Variants in TARS3 observed in about 807,000 individuals in gnomAD.
TARS3 encodes threonine--tRNA ligase 2, cytoplasmic.
TARS3 carries 94 observed loss-of-function variants against 103.5 expected under a neutral mutation model. The ratio of observed to expected loss-of-function variants is 0.91; its 90% CI spans 0.77 to 1.08. The LOEUF (loss-of-function observed/expected upper bound fraction) is 1.08. Among genes scored for constraint, TARS3 ranks in the 50% least tolerant of loss-of-function variants. The pLI is 0.00. For missense variants in TARS3, 952 were observed against 995.2 expected (o/e 0.96, Z 0.58); for synonymous variants, 416 against 355.4 (o/e 1.17, Z -1.92).
In TARS3 at chr15:101,721,153, G is replaced by A. The variant is rs143268680; in HGVS notation, c.539C>T (p.Thr180Met). 1.5e-5 allele frequency: 24 copies of A among 1,598,808 alleles called. No individual in the cohort carries two copies. Among genetic ancestry groups the A allele is most frequent in the Middle Eastern group, 1.7e-4 (1 of 6,044 alleles). ...QTVQGEVWKT[T>M]PYQVAAEISQ... is the part of the protein sequence containing the mutation. The stretch of plus-strand genomic sequence containing the variant: ...AATTTCAGCAGCCACTTGGTAAGGC[G>A]TTGTTTTCCAGACTTCCCCTTGCAC... The change falls in exon 3 of 19, where the codon ACG (threonine) becomes ATG (methionine). Residue 180 changes from threonine to methionine, a missense_variant. By Grantham distance (81) the Thr-to-Met change is moderately conservative (BLOSUM62 -1). Coordinates refer to ENST00000335968, the MANE Select transcript of TARS3 (RefSeq NM_152334.3).
At chr15:101,678,653 C>G (rs1898130514) in intron 12 of TARS3, among the ~76,000 whole-genome samples, 1 of 152,198 alleles carries the variant, frequency 6.6e-6, no homozygotes, top group Non-Finnish European at 1.5e-5. Flanking sequence ...CTTCTACATA[C>G]ATTTAGAACA....
intron 6 of TARS3, among the ~76,000 whole-genome samples, chr15:101,708,257 G>GAAA (rs60601502): frequency 6.2e-5 from 3 of 48,622 alleles, no homozygotes; most frequent in East Asian, 7.1e-4. Flanking sequence ...GACTCTGTCT[G>GAAA]AAAAAAAAAA....
At chr15:101,685,781 A>G in intron 11 of TARS3, 115 bp downstream of exon 11, 1 of 791,592 alleles carries the variant, frequency 1.3e-6, no homozygotes, top group Non-Finnish European at 1.9e-6. Flanking sequence ...AAAATTAGTA[A>G]TCACCACTCT....
At chr15:101,708,198 T>C (rs1001268725) in intron 6 of TARS3, among the ~76,000 whole-genome samples, 1 of 127,998 alleles carries the variant, frequency 7.8e-6, no homozygotes, top group Non-Finnish European at 1.5e-5. Context: ...GCCAAGATAG[T>C]AGTGAGCCAA....
In TARS3 at chr15:101,656,969, T is replaced by C. The variant is rs1596277117; in HGVS notation, c.2213A>G (p.Asn738Ser). The change falls in exon 18 of 19, where the codon AAT becomes AGT. Residue 738 changes from asparagine (N) to serine (S), a missense_variant. Asn to Ser is a conservative substitution (Grantham distance 46). This residue lies in a region of TARS3 where 540 missense variants were observed against 631.0 expected (regional missense o/e 0.86). Transcript: ENST00000335968. The part of the protein sequence containing the change: ...DVDLDHSCTL[N>S]KKIRNAQLAQ... Reference sequence around the variant, plus strand: ...CAGCTGTGCATTTCGTATTTTCTTATTTAGTGTACAACTGTGATCCAAGTC... The same window carrying C: ...CAGCTGTGCATTTCGTATTTTCTTACTTAGTGTACAACTGTGATCCAAGTC... 1 of 1,613,660 alleles carries C rather than the reference T, an allele frequency of 6.2e-7. No individual in the cohort carries two copies. Among genetic ancestry groups the C allele is most frequent in the Non-Finnish European group, 8.5e-7 (1 of 1,179,714 alleles).
rs1309465010 is a variant in TARS3 at position 101,654,366 on chromosome 15, G to C, written c.*216C>G. 1 of 449,666 alleles carries C rather than the reference G, an allele frequency of 2.2e-6. No individual in the cohort carries two copies. Among genetic ancestry groups the C allele is most frequent in the East Asian group, 3.6e-5 (1 of 28,068 alleles). 27.9% of individuals were successfully genotyped at this position (449,666 alleles called of 1,614,324 possible). ...TAAGTTTCTCAAGGCATTGATTGCT[G>C]GAAAATTTCCCACGTGCCCTCTAAA... is the stretch of plus-strand genomic sequence containing the variant. On this transcript the variant is annotated 3_prime_UTR_variant, in exon 19 of 19. Coordinates refer to ENST00000335968, the MANE Select transcript of TARS3 (RefSeq NM_152334.3).
At chr15:101,723,231 T>A in intron 1 of TARS3, 67 bp from the exon 2 acceptor site, 2 of 1,462,182 alleles carry the variant, frequency 1.4e-6, no homozygotes, top group Non-Finnish European at 1.9e-6. Context: ...AAGAAGAGAG[T>A]CATGCCAGCA....
intron 15 of TARS3, among the ~76,000 whole-genome samples, chr15:101,669,958 T>C (rs1464536581): frequency 6.6e-6 from 1 of 152,270 alleles, no homozygotes; most frequent in Non-Finnish European, 1.5e-5. Flanking sequence ...CATCATCTGA[T>C]GTGTGAATAA....
intron 12 of TARS3, among the ~76,000 whole-genome samples, chr15:101,677,880 C>T (rs1898097405): frequency 6.6e-6 from 1 of 152,168 alleles, no homozygotes; most frequent in Admixed American, 6.5e-5. Flanking sequence ...GATCCACCCA[C>T]CTCAGCCTCC....
rs991111183 is a variant in TARS3, at chr15:101,676,192, G to C, written c.1651-455C>G. 5.3e-5 allele frequency among the ~76,000 whole-genome samples: 8 copies of C among 152,238 alleles called. No individual in the cohort carries two copies. In the East Asian group the frequency reaches 9.6e-4, roughly 18 times the overall value. On this transcript the variant is annotated intron_variant, in intron 12 of 18. Transcript: ENST00000335968. ...GTGTGGTAGGTGGGCAGGGGCCAGAGAAAATTAAGTGCTTTCAAAGCCAGG... is the reference window on the plus strand; with the variant it reads ...GTGTGGTAGGTGGGCAGGGGCCAGACAAAATTAAGTGCTTTCAAAGCCAGG...
At chr15:101,703,346 T>C (rs1007054201) in intron 8 of TARS3, among the ~76,000 whole-genome samples, 7 of 152,130 alleles carry the variant, frequency 4.6e-5, no homozygotes, top group African/African-American at 1.4e-4. Context: ...TCCCAGCACT[T>C]CGGGAGGCTG....
rs1452379727 is a variant in TARS3, at chr15:101,721,280, A to G, written c.412T>C (p.Phe138Leu). The change falls in exon 3 of 19, where the codon TTT becomes CTT. Residue 138 changes from phenylalanine (F) to leucine (L), a missense_variant. Transcript: ENST00000335968. ...PIFIKERLKL[F>L]EILKKDHQLL... ...TGATGGTCTTTCTTCAGTATTTCAA[A>G]AAGCTTCAATCTTTCTTTTATGAAA... 6.2e-6 allele frequency: 10 copies of G among 1,613,534 alleles called. No individual in the cohort carries two copies. The highest frequency in any genetic ancestry group is 8.5e-6 in the Non-Finnish European group (10 of 1,179,610).
At chr15:101,683,364 G>A (rs997975097) in intron 12 of TARS3, among the ~76,000 whole-genome samples, 2 of 151,956 alleles carry the variant, frequency 1.3e-5, no homozygotes, top group Non-Finnish European at 1.5e-5. Flanking sequence ...ATTCTATTGT[G>A]GTCAGTTAGG....
At chr15:101,668,193 C>A (rs1466800568) in intron 15 of TARS3, among the ~76,000 whole-genome samples, 1 of 152,144 alleles carries the variant, frequency 6.6e-6, no homozygotes, top group African/African-American at 2.4e-5. Flanking sequence ...TTTCAACAGT[C>A]CTTCCTCACC....
rs907629239 is a variant in TARS3, at chr15:101,724,364, C to T, written c.24G>A (p.Ala8=). The change falls in exon 1 of 19, where the codon GCG becomes GCA. Residue 8 remains alanine, a synonymous_variant. Coordinates refer to ENST00000335968, the MANE Select transcript of TARS3 (RefSeq NM_152334.3). ...GCTCCAGGCGCGACGCCACGGCCTC[C>T]GCCGCCAGGGCCTCGGCCGCCATCG... MAAEALA[A]EAVASRLERQ... is the part of the protein sequence containing the mutation. The T allele has an allele frequency of 1.3e-6, 2 of 1,535,910 alleles. No individual in the cohort carries two copies. The highest frequency in any genetic ancestry group is 1.4e-5 in the African/African-American group (1 of 70,200).
intron 3 of TARS3, among the ~76,000 whole-genome samples, chr15:101,715,468 T>C (rs1271573506): frequency 1.3e-5 from 2 of 152,312 alleles, no homozygotes; most frequent in African/African-American, 4.8e-5. Flanking sequence ...TAAAAAAAAC[T>C]TGGAAAACTG....
In TARS3 at chr15:101,687,186, T is replaced by C. The variant is rs572040884; in HGVS notation, c.1321-1124A>G. 2.0e-5 allele frequency among the ~76,000 whole-genome samples: 3 copies of C among 152,194 alleles called. No homozygotes were observed. In the South Asian group the frequency reaches 6.2e-4, roughly 32 times the overall value. On this transcript the variant is annotated intron_variant, in intron 10 of 18. Transcript: ENST00000335968. ...GGGAGGCCAAGGTAAGTGCATCACCTGAGGTCAGGAGTTTGAGACCAGCCT... is the reference window on the plus strand; with the variant it reads ...GGGAGGCCAAGGTAAGTGCATCACCCGAGGTCAGGAGTTTGAGACCAGCCT...
intron 16 of TARS3, among the ~76,000 whole-genome samples, chr15:101,658,351 C>T (rs1011997950): frequency 5.5e-5 from 8 of 145,058 alleles, no homozygotes; most frequent in South Asian, 4.3e-4. Context: ...TAATTTATCT[C>T]GAAACAAAAC....
intron 12 of TARS3, among the ~76,000 whole-genome samples, chr15:101,678,685 T>C (rs1300153036): frequency 6.6e-6 from 1 of 152,242 alleles, no homozygotes; most frequent in Non-Finnish European, 1.5e-5. Flanking sequence ...ATGTGATTTT[T>C]ACTTCAATGA....
Sources: allele counts gnomAD v4.1 joint callset (sites outside exome capture counted in the v4.1 genomes callset), GRCh38; gene constraint gnomAD v4.1.1; regional missense constraint gnomAD v4.1.1; transcripts MANE v1.5; gene names NCBI Gene and HGNC (gene_info 2026-07-23, HGNC 2026-07-21).